The following PCNT variants were observed in gnomAD, a reference collection of about 807,000 sequenced individuals.
PCNT encodes kendrin.
In PCNT, 319 loss-of-function variants were observed where a neutral mutation model predicts 380.4. The ratio of observed to expected loss-of-function variants is 0.84; its 90% CI spans 0.77 to 0.92. The LOEUF (loss-of-function observed/expected upper bound fraction) is 0.92. PCNT is among the 40% of genes least tolerant of loss of function. The pLI, the probability that PCNT is intolerant of heterozygous loss-of-function variation, is 0.00. For synonymous variants in PCNT, 1,845 were observed against 1,735.2 expected (o/e 1.06, Z -1.57); for missense variants, 4,400 against 4,255.3 (o/e 1.03, Z -0.95).
intron 38 of PCNT, among the ~76,000 whole-genome samples, chr21:46,433,806 C>G (rs1428556928): frequency 6.6e-6 from 1 of 152,088 alleles, no homozygotes; most frequent in Non-Finnish European, 1.5e-5. Flanking sequence ...GAGTCTCGCT[C>G]TGTCTTCCAA....
chr21:46,428,032 T>C (rs558476446), intron 34 of PCNT, among the ~76,000 whole-genome samples: 130 of 152,294 alleles, frequency 8.5e-4, no homozygotes, highest in African/African-American at 2.9e-3. Context: ...CCTCACTCTT[T>C]TCTGAGATAG....
chr21:46,390,521 A>T (rs1365035658), intron 19 of PCNT, 149 bp from the exon 20 acceptor site: 2 of 793,118 alleles, frequency 2.5e-6, no homozygotes, highest in Non-Finnish European at 4.4e-6. Flanking sequence ...GGTGGCTGAG[A>T]TGTGCTCAGG....
At chr21:46,422,837 T>C (rs894011221) in intron 32 of PCNT, among the ~76,000 whole-genome samples, 3 of 152,220 alleles carry the variant, frequency 2.0e-5, no homozygotes, top group Non-Finnish European at 4.4e-5. Flanking sequence ...TGGCCGCAGC[T>C]CCCGTTGTCT....
chr21:46,346,888 C>A lies in PCNT; in HGVS notation c.866C>A (p.Ala289Asp). Reference protein sequence around the residue: ...ELREMLNSRRAQELALLQSRQ... With the variant: ...ELREMLNSRRDQELALLQSRQ... ...CGGGAGATGCTCAACAGCCGGCGTG[C>A]CCAGGAGCTGGCCCTGCTACAGAGC... The change falls in exon 5 of 47, where the codon GCC (alanine) becomes GAC (aspartate). Residue 289 changes from alanine to aspartate, a missense_variant. Transcript: ENST00000359568. 1 of 1,606,650 alleles carries A rather than the reference C, an allele frequency of 6.2e-7. No homozygotes were observed. Among genetic ancestry groups the A allele is most frequent in the Non-Finnish European group, 8.5e-7 (1 of 1,177,410 alleles).
intron 9 of PCNT, among the ~76,000 whole-genome samples, chr21:46,352,542 G>A (rs562105339): frequency 2.0e-5 from 3 of 152,212 alleles, no homozygotes; most frequent in Non-Finnish European, 4.4e-5. Context: ...GCTGTCAGCT[G>A]CTGTAGAGCA....
chr21:46,426,044 G>T, intron 33 of PCNT, 73 bp downstream of exon 33: 1 of 1,340,786 alleles, frequency 7.5e-7, no homozygotes, highest in Non-Finnish European at 1.1e-6. Flanking sequence ...CGTCCTTAGG[G>T]CCACGTGGAC....
intron 12 of PCNT, 124 bp from the exon 13 acceptor site, chr21:46,356,850 C>A: frequency 2.5e-6 from 2 of 803,542 alleles, no homozygotes; most frequent in Non-Finnish European, 4.2e-6. Flanking sequence ...CAGCACAGAG[C>A]TTGAAAATCC....
At position 46,359,480 on chromosome 21, in the gene PCNT, G is replaced by GGTTTTTTTTTT. The variant is rs2084608624; in HGVS notation, c.2154+2289_2154+2290insGTTTTTTTTTT. 3.0e-5 allele frequency among the ~76,000 whole-genome samples: 2 copies of GGTTTTTTTTTT among 65,732 alleles called. 1 individual carries two copies. Among genetic ancestry groups the GGTTTTTTTTTT allele is most frequent in the Non-Finnish European group, 6.8e-5 (2 of 29,608 alleles). The allele number at this position is 65,732 out of a possible 152,430, so 43.1% of individuals were successfully genotyped here. A position where few individuals can be genotyped will look rare whatever the true frequency, so the allele number is the denominator to read the frequency against. On this transcript the variant is annotated intron_variant, in intron 13 of 46. Transcript: ENST00000359568. ...TAGTATTCTGTCCAAAAATACACCTGTTTTTTTTTTGTTTTTTTTTTTTTT... is the reference window on the plus strand; with the variant it reads ...TAGTATTCTGTCCAAAAATACACCTGGTTTTTTTTTTTTTTTTTTTTGTTTTTTTTTTTTTT...
At position 46,416,289 on chromosome 21, in the gene PCNT, C is replaced by T. The variant is rs754687286; in HGVS notation, c.6371C>T (p.Pro2124Leu). 6.8e-6 allele frequency: 11 copies of T among 1,614,028 alleles called. No individual in the cohort carries two copies. The South Asian group carries it at 9.9e-5, about 14-fold the overall frequency. The change falls in exon 30 of 47, where the codon CCC becomes CTC. Residue 2124 changes from proline to leucine, a missense_variant. Transcript: ENST00000359568. ...SCDGEEPDIS[P>L]HIDTCDANTA... ...GACGGAGAAGAGCCTGACATATCACCCCACATAGACACATGTGATGCCAAT... is the reference window on the plus strand; with the variant it reads ...GACGGAGAAGAGCCTGACATATCACTCCACATAGACACATGTGATGCCAAT...
rs141399662 is a variant in PCNT at position 46,437,358 on chromosome 21, C to T, written c.9099+277C>T. Among the ~76,000 whole-genome samples the T allele has an allele frequency of 8.2e-4, 106 of 128,868 alleles. No individual in the cohort carries two copies. The East Asian group carries it at 0.015, about 18-fold the overall frequency. The allele number at this position is 128,868 out of a possible 152,430, so 84.5% of individuals were successfully genotyped here. On this transcript the variant is annotated intron_variant, in intron 40 of 46. Coordinates refer to ENST00000359568, the MANE Select transcript of PCNT (RefSeq NM_006031.6). ...GACTGTGTGGTCTTCGGGGGCTGAG[C>T]CCTGCTGCCATGGGATGCTGCGTGA...
chr21:46,418,215 C>T lies in PCNT; in HGVS notation c.6933C>T (p.Val2311=), dbSNP rs148444313. 4,561 of 1,587,530 alleles carry T rather than the reference C, an allele frequency of 2.9e-3. 27 individuals carry two copies. Among genetic ancestry groups the T allele is most frequent in the South Asian group, 8.0e-3 (721 of 90,508 alleles). The change falls in exon 31 of 47, where the codon GTC becomes GTT. Residue 2311 remains valine (V), a synonymous_variant. Transcript: ENST00000359568. ...AAATCTCTTAACAGGAGAAAGATGT[C>T]GAAGATTTTATCACAACATCCTTTG... The part of the protein sequence containing the change: ...HVQRTAVEKD[V]EDFITTSFDS...
intron 13 of PCNT, among the ~76,000 whole-genome samples, chr21:46,361,594 T>C (rs1259254822): frequency 6.6e-6 from 1 of 152,176 alleles, no homozygotes; most frequent in African/African-American, 2.4e-5. Flanking sequence ...GAGATTTGCT[T>C]TGGAAAACAT....
At chr21:46,345,311 A>G (rs934680895) in intron 3 of PCNT, among the ~76,000 whole-genome samples, 2 of 152,018 alleles carry the variant, frequency 1.3e-5, no homozygotes, top group Admixed American at 1.3e-4. Context: ...TCTGCCTTCC[A>G]GGTTCAAGTG....
In PCNT at chr21:46,326,495, A is replaced by G; in HGVS notation, c.173A>G (p.Lys58Arg). The G allele has an allele frequency of 6.2e-7, 1 of 1,614,240 alleles. No homozygotes were observed. The highest frequency in any genetic ancestry group is 8.5e-7 in the Non-Finnish European group (1 of 1,180,042). ...ASVQEESPVTKEDSALCGGGD... is the reference protein window; with the variant it reads ...ASVQEESPVTREDSALCGGGD... ...GTCCAGGAGGAGAGTCCGGTAACCA[A>G]GGAGGACAGCGCACTCTGTGGAGGA... The change falls in exon 2 of 47, where the codon AAG (lysine) becomes AGG (arginine). Residue 58 changes from lysine to arginine, a missense_variant. Transcript: ENST00000359568.
intron 3 of PCNT, among the ~76,000 whole-genome samples, chr21:46,337,844 A>G (rs2083799966): frequency 6.6e-6 from 1 of 151,980 alleles, no homozygotes. Flanking sequence ...TCGGCCTCCC[A>G]AAGTGCTAGG....
chr21:46,366,874 G>T lies in PCNT; in HGVS notation c.2900G>T (p.Ser967Ile). ...GCTCTGGAGACCAGACATCTGTCCA[G>T]CCTTGATTCTTTGGAATCCTGTTAC... ...LGALETRHLS[S>I]LDSLESCYLS... Residue 967 changes from serine (S) to isoleucine (I), a missense_variant, in exon 15 of 47, where the codon AGC becomes ATC. Transcript: ENST00000359568. 6.2e-7 allele frequency: 1 copy of T among 1,614,160 alleles called. No homozygotes were observed. The highest frequency in any genetic ancestry group is 8.5e-7 in the Non-Finnish European group (1 of 1,180,044).
chr21:46,381,547 G>C (rs768642057), intron 15 of PCNT, 147 bp from the exon 16 acceptor site: 30 of 730,934 alleles, frequency 4.1e-5, no homozygotes, highest in Non-Finnish European at 6.4e-5. Context: ...TGTTTTCTTT[G>C]ATGGGGGCTG....
At chr21:46,410,479 T>C (rs1472045021) in intron 27 of PCNT, among the ~76,000 whole-genome samples, 1 of 152,242 alleles carries the variant, frequency 6.6e-6, no homozygotes, top group Admixed American at 6.5e-5. Context: ...TTACCAGGAA[T>C]GTTATCTTAA....
chr21:46,384,301 C>G (rs1601914047), intron 16 of PCNT, among the ~76,000 whole-genome samples: 1 of 147,560 alleles, frequency 6.8e-6, no homozygotes, highest in East Asian at 2.1e-4. Context: ...GCTGTGCATT[C>G]AGTGGCGGAA....
Sources: gnomAD v4.1 joint callset for allele counts (sites outside exome capture counted in the v4.1 genomes callset) on GRCh38, gnomAD v4.1.1 for gene constraint, MANE v1.5 for transcripts, NCBI Gene and HGNC (gene_info 2026-07-23, HGNC 2026-07-21) for gene names.